CDON: variants seen among roughly 807,000 people sequenced by gnomAD.
CDON encodes the protein cell adhesion associated, oncogene regulated.
CDON carries 73 observed loss-of-function variants against 120.9 expected under a neutral mutation model. The observed-to-expected ratio is 0.60, with a 90% CI of 0.50 to 0.73. The LOEUF (loss-of-function observed/expected upper bound fraction) is 0.73. CDON is among the 30% of genes least tolerant of loss of function. CDON has a pLI of 0.00. For synonymous variants in CDON, 566 were observed against 573.5 expected (o/e 0.99, Z 0.19); for missense variants, 1,470 against 1,587.3 (o/e 0.93, Z 1.26).
At chr11:125,998,568 A>G (rs901871717) in intron 11 of CDON, among the ~76,000 whole-genome samples, 4 of 152,116 alleles carry the variant, frequency 2.6e-5, no homozygotes, top group African/African-American at 9.7e-5. Flanking sequence ...CATGAGCCAA[A>G]TAAACCTCTT....
At chr11:125,969,072 C>T (rs1945885017) in intron 18 of CDON, among the ~76,000 whole-genome samples, 1 of 152,314 alleles carries the variant, frequency 6.6e-6, no homozygotes, top group African/African-American at 2.4e-5. Context: ...GATCTCAGCT[C>T]ACTGCAACCT....
At chr11:126,007,598 C>G (rs992321016) in intron 8 of CDON, among the ~76,000 whole-genome samples, 17 of 152,258 alleles carry the variant, frequency 1.1e-4, no homozygotes, top group Middle Eastern at 3.4e-3. Context: ...CAGTTTTCCA[C>G]TGGGAAGTGG....
At chr11:126,009,686 A>G (rs1947235672) in intron 8 of CDON, among the ~76,000 whole-genome samples, 1 of 149,538 alleles carries the variant, frequency 6.7e-6, no homozygotes, top group Admixed American at 6.6e-5. Context: ...ATAAGATGAC[A>G]ATCTACACCC....
In CDON at chr11:125,957,691, C is replaced by T. The variant is rs1003644000; in HGVS notation, c.*3251G>A. ...GGCAGTACTATAGCTGGAATGAGAT[C>T]TGTGGCATGATCAGCCCAAGATGGA... is the stretch of plus-strand genomic sequence containing the variant. On this transcript the variant is annotated 3_prime_UTR_variant, in exon 20 of 20. Transcript: ENST00000531738. 6.6e-6 allele frequency: 1 copy of T among 152,204 alleles called. No homozygotes were observed. Among genetic ancestry groups the T allele is most frequent in the South Asian group, 2.1e-4 (1 of 4,834 alleles). The allele number at this position is 152,204 out of a possible 1,614,324, so 9.4% of individuals were successfully genotyped here.
intron 1 of CDON, among the ~76,000 whole-genome samples, chr11:126,031,306 T>C (rs1285584016): frequency 1.3e-5 from 2 of 152,236 alleles, no homozygotes; most frequent in African/African-American, 4.8e-5. Context: ...AACATGGGAA[T>C]GGCTCAGATA....
chr11:125,971,154 C>T lies in CDON; in HGVS notation c.3356+7150G>A, dbSNP rs190443985. Among the ~76,000 whole-genome samples the T allele has an allele frequency of 5.5e-4, 83 of 152,152 alleles. 1 individual carries two copies. Among genetic ancestry groups the T allele is most frequent in the Admixed American group, 1.7e-3 (26 of 15,290 alleles). On this transcript the variant is annotated intron_variant, in intron 18 of 19. Transcript: ENST00000531738. ...ATCCCAGTACTTTGGGGGGCCAAGG[C>T]GGGCGGATCACGAGGTCAGGAGACC...
chr11:125,968,213 A>G (rs1379673971), intron 18 of CDON, among the ~76,000 whole-genome samples: 3 of 152,268 alleles, frequency 2.0e-5, no homozygotes, highest in African/African-American at 7.2e-5. Flanking sequence ...GAATGAACTC[A>G]TAATGTTGAT....
At chr11:126,015,110 G>A in intron 7 of CDON, 131 bp downstream of exon 7, 1 of 874,076 alleles carries the variant, frequency 1.1e-6, no homozygotes, top group Non-Finnish European at 1.9e-6. Context: ...CCAGGACCAT[G>A]GAAAATGAAC....
chr11:126,029,052 C>G (rs551520169), intron 1 of CDON, among the ~76,000 whole-genome samples: 1 of 152,168 alleles, frequency 6.6e-6, no homozygotes, highest in Admixed American at 6.6e-5. Flanking sequence ...CCCTCACAAC[C>G]AAAATTGGCA....
At chr11:125,975,144 A>G (rs1331366401) in intron 18 of CDON, among the ~76,000 whole-genome samples, 1 of 152,272 alleles carries the variant, frequency 6.6e-6, no homozygotes, top group African/African-American at 2.4e-5. Context: ...CTCAACATTT[A>G]ACGCATATCC....
intron 1 of CDON, among the ~76,000 whole-genome samples, chr11:126,061,750 A>T (rs1591445315): frequency 6.6e-6 from 1 of 152,186 alleles, no homozygotes; most frequent in East Asian, 1.9e-4. Context: ...CTTTCTGTTG[A>T]TGAGGTTCTC....
At chr11:125,984,955 C>T (rs1268947608) in intron 15 of CDON, among the ~76,000 whole-genome samples, 2 of 152,104 alleles carry the variant, frequency 1.3e-5, no homozygotes, top group South Asian at 2.1e-4. Context: ...CCCGGTTCAT[C>T]GGTGTTCTGG....
chr11:126,045,764 A>G (rs1396854345), intron 1 of CDON, among the ~76,000 whole-genome samples: 1 of 152,178 alleles, frequency 6.6e-6, no homozygotes, highest in Non-Finnish European at 1.5e-5. Context: ...TGAGGCTGGG[A>G]GTTTGAGACC....
chr11:125,973,400 C>T (rs561297870), intron 18 of CDON, among the ~76,000 whole-genome samples: 3 of 152,188 alleles, frequency 2.0e-5, no homozygotes, highest in East Asian at 3.9e-4. Flanking sequence ...GGCGTGGTGG[C>T]GGGCACCTGT....
chr11:126,015,356 T>C lies in CDON; in HGVS notation c.1083A>G (p.Ala361=), dbSNP rs1465899455. The C allele has an allele frequency of 8.1e-6, 13 of 1,614,192 alleles. No homozygotes were observed. Among genetic ancestry groups the C allele is most frequent in the Non-Finnish European group, 1.1e-5 (13 of 1,180,024 alleles). ...PIHPSARHLT[A]GNGLKISGVT... is the part of the protein sequence containing the mutation. Reference sequence around the variant, plus strand: ...CCCCACTGATTTTCAGTCCGTTTCCTGCAGTTAGATGTCGTGCAGAAGGAT... The same window carrying C: ...CCCCACTGATTTTCAGTCCGTTTCCCGCAGTTAGATGTCGTGCAGAAGGAT... Residue 361 remains alanine, a synonymous_variant, in exon 7 of 20, where the codon GCA becomes GCG. Coordinates refer to ENST00000531738, the MANE Select transcript of CDON (RefSeq NM_001378964.1).
chr11:126,052,919 G>T (rs12294317), intron 1 of CDON, among the ~76,000 whole-genome samples: 3,341 of 152,172 alleles, frequency 0.022, 103 homozygotes, highest in African/African-American at 0.068. Context: ...ATCTAGAGAT[G>T]ATTTAAACAG....
intron 7 of CDON, among the ~76,000 whole-genome samples, chr11:126,012,322 G>C (rs1251804865): frequency 2.0e-5 from 3 of 151,992 alleles, no homozygotes; most frequent in African/African-American, 7.3e-5. Context: ...TATATAACTG[G>C]CTGTGCTTTA....
intron 1 of CDON, among the ~76,000 whole-genome samples, chr11:126,049,480 AGAGGAG>A (rs889914881): frequency 1.3e-5 from 2 of 152,218 alleles, no homozygotes; most frequent in African/African-American, 2.4e-5. Flanking sequence ...TCATTTCAAC[AGAGGAG>A]GAGGAACATC....
Position 125,957,770 on chromosome 11 carries a change from T to C in CDON, c.*3172A>G, listed in dbSNP as rs986008732. On this transcript the variant is annotated 3_prime_UTR_variant, in exon 20 of 20. Coordinates refer to ENST00000531738, the MANE Select transcript of CDON (RefSeq NM_001378964.1). ...CAAAAACACCCAGAAAGAAAGGCTT[T>C]TGCTAAGAACACTTCAAAAGGTTTA... 2.0e-5 allele frequency: 3 copies of C among 152,196 alleles called. No individual in the cohort carries two copies. Among genetic ancestry groups the C allele is most frequent in the Non-Finnish European group, 4.4e-5 (3 of 68,044 alleles). 9.4% of individuals were successfully genotyped at this position (152,196 alleles called of 1,614,324 possible).
Sources: allele counts gnomAD v4.1 joint callset (sites outside exome capture counted in the v4.1 genomes callset), GRCh38; gene constraint gnomAD v4.1.1; transcripts MANE v1.5; gene names NCBI Gene and HGNC (gene_info 2026-07-23, HGNC 2026-07-21).